Variants in BPTF observed in about 807,000 individuals in gnomAD.
BPTF encodes the protein nucleosome-remodeling factor subunit BPTF.
Under a neutral mutation model 292.5 loss-of-function variants are expected in BPTF, and 18 were observed. That is an observed-to-expected ratio of 0.06 (90% CI 0.04 to 0.09). BPTF has a LOEUF of 0.09. BPTF is among the 10% of genes least tolerant of loss of function. The pLI is 1.00. For synonymous variants in BPTF, 1,225 were observed against 1,251.9 expected, an observed-to-expected ratio of 0.98 and a Z score of 0.45; for missense variants, 2,726 against 3,498.7, an observed-to-expected ratio of 0.78 and a Z score of 5.57.
At chr17:67,957,939 T>C (rs1555681769) in intron 23 of BPTF, among the ~76,000 whole-genome samples, 1 of 152,232 alleles carries the variant, frequency 6.6e-6, no homozygotes, top group Non-Finnish European at 1.5e-5. Context: ...GGTTTGTTCC[T>C]AGGGTAATAA....
In BPTF at chr17:67,912,888, G is replaced by A. The variant is rs188067928; in HGVS notation, c.5004G>A (p.Thr1668=). 2.8e-5 allele frequency: 45 copies of A among 1,614,082 alleles called. 1 individual carries two copies. In the East Asian group the frequency reaches 6.2e-4, roughly 22 times the overall value. Residue 1668 remains threonine (T), a synonymous_variant, in exon 11 of 28, where the codon ACG becomes ACA. Coordinates refer to ENST00000306378, the MANE Select transcript of BPTF (RefSeq NM_182641.4). ...CAGTGACAGACTCCCTGACCACCAC[G>A]GGAGGCACACTGGTTACATCTATGA... is the stretch of plus-strand genomic sequence containing the variant. The part of the protein sequence containing the change: ...TTTVTDSLTT[T]GGTLVTSMTV...
At chr17:67,868,880 T>C (rs917061769) in intron 3 of BPTF, among the ~76,000 whole-genome samples, 4 of 152,210 alleles carry the variant, frequency 2.6e-5, no homozygotes, top group Non-Finnish European at 5.9e-5. Context: ...ATATACTTTG[T>C]CTTCAGAAAA....
At chr17:67,888,030 GT>G (rs765974479) in intron 4 of BPTF, among the ~76,000 whole-genome samples, 205 of 152,332 alleles carry the variant, frequency 1.3e-3, no homozygotes, top group South Asian at 2.7e-3. Context: ...TCCAGCAAAA[GT>G]TGGGTAGGAA....
In BPTF at chr17:67,946,109, C is replaced by G. The variant is rs782422956; in HGVS notation, c.7401C>G (p.Ile2467Met). Residue 2467 changes from isoleucine (I) to methionine (M), a missense_variant, in exon 21 of 28, where the codon ATC (isoleucine) becomes ATG (methionine). By Grantham distance (10) the Ile-to-Met change is conservative. This residue lies in a region of BPTF where 570 missense variants were observed against 633.5 expected (regional missense o/e 0.90). Coordinates refer to ENST00000306378, the MANE Select transcript of BPTF (RefSeq NM_182641.4). ...QAQQSGVPQQ[I>M]KLQLPIQIQQ... ...AGCAAAGTGGTGTGCCCCAGCAAAT[C>G]AAACTCCAGTTACCTATCCAAATTC... is the stretch of plus-strand genomic sequence containing the variant. 3.7e-6 allele frequency: 6 copies of G among 1,614,016 alleles called. No homozygotes were observed. The highest frequency in any genetic ancestry group is 3.3e-5 in the Admixed American group (2 of 60,002).
Position 67,838,476 on chromosome 17 carries a change from T to C in BPTF, c.613+12139T>C, listed in dbSNP as rs117743191. Among the ~76,000 whole-genome samples, 353 of 152,304 alleles carry C rather than the reference T, an allele frequency of 2.3e-3. 2 individuals are homozygous for C. In the South Asian group the frequency reaches 0.024, roughly 10 times the overall value. ...AACCATCTTTGTGTAAACATGTGTA[T>C]GTACATACTTTTTTTTTTGAGCTGG... is the stretch of plus-strand genomic sequence containing the variant. On this transcript the variant is annotated intron_variant, in intron 1 of 27. Coordinates refer to ENST00000306378, the MANE Select transcript of BPTF (RefSeq NM_182641.4).
chr17:67,944,086 T>C (rs1365734091), intron 19 of BPTF, 64 bp from the exon 20 acceptor site: 3 of 1,192,248 alleles, frequency 2.5e-6, no homozygotes, highest in Non-Finnish European at 3.7e-6. Flanking sequence ...AATGATTTAA[T>C]AAAAATGATA....
rs1179554063 is a variant in BPTF at position 67,893,529 on chromosome 17, C to G, written c.2215C>G (p.His739Asp). The change falls in exon 6 of 28, where the codon CAC becomes GAC. Residue 739 changes from histidine to aspartate, a missense_variant. Physicochemically the swap from His to Asp is moderately conservative, Grantham distance 81. Coordinates refer to ENST00000306378, the MANE Select transcript of BPTF (RefSeq NM_182641.4). ...YSTNSFALNK[H>D]QHREDHDKRR... ...CACCAATTCATTTGCTTTGAATAAG[C>G]ACCAGCACAGAGAAGACCATGATAA... is the stretch of plus-strand genomic sequence containing the variant. 6.2e-7 allele frequency: 1 copy of G among 1,614,108 alleles called. No individual in the cohort carries two copies. Among genetic ancestry groups the G allele is most frequent in the Non-Finnish European group, 8.5e-7 (1 of 1,179,974 alleles).
chr17:67,982,187 A>G (rs782590739), intron 27 of BPTF, 65 bp from the exon 28 acceptor site: 87 of 1,450,930 alleles, frequency 6.0e-5, no homozygotes, highest in Non-Finnish European at 7.8e-5. Context: ...TGGCATCCGC[A>G]TAAAGCATCA....
intron 9 of BPTF, 51 bp downstream of exon 9, chr17:67,904,891 CT>C (rs2062070958): frequency 5.0e-6 from 7 of 1,397,882 alleles, no homozygotes; most frequent in Non-Finnish European, 6.8e-6. Flanking sequence ...CTTTATATTT[CT>C]TATAAATTTG....
intron 9 of BPTF, among the ~76,000 whole-genome samples, chr17:67,905,086 C>T (rs771240127): frequency 3.9e-5 from 6 of 152,058 alleles, no homozygotes; most frequent in African/African-American, 9.7e-5. Flanking sequence ...ACGCCTCAGC[C>T]GCCTGATTAT....
chr17:67,857,010 A>G (rs2058728533), intron 2 of BPTF, among the ~76,000 whole-genome samples: 1 of 152,034 alleles, frequency 6.6e-6, no homozygotes, highest in African/African-American at 2.4e-5. Flanking sequence ...TGTGTTCTCA[A>G]CTTCACCTTC....
intron 7 of BPTF, among the ~76,000 whole-genome samples, chr17:67,895,210 G>T (rs2061358371): frequency 6.6e-6 from 1 of 151,806 alleles, no homozygotes; most frequent in South Asian, 2.1e-4. Context: ...GCACATGCCT[G>T]TAGTCCCAGG....
Position 67,912,145 on chromosome 17 carries a change from G to A in BPTF, c.4261G>A (p.Glu1421Lys). ...TAAACCCAAAATATATTTGAAAGGT[G>A]AATGCTTGAAAGAAATTTCTGAGAG... ...DNKPKIYLKGECLKEISESRV... is the reference protein window; with the variant it reads ...DNKPKIYLKGKCLKEISESRV... The change falls in exon 11 of 28, where the codon GAA (glutamate) becomes AAA (lysine). Residue 1421 changes from glutamate to lysine, a missense_variant. Transcript: ENST00000306378. 2 of 1,612,084 alleles carry A rather than the reference G, an allele frequency of 1.2e-6. No homozygotes were observed. Among genetic ancestry groups the A allele is most frequent in the Non-Finnish European group, 1.7e-6 (2 of 1,179,186 alleles).
chr17:67,949,823 C>T (rs926432529), intron 23 of BPTF, among the ~76,000 whole-genome samples: 3 of 151,342 alleles, frequency 2.0e-5, no homozygotes, highest in Middle Eastern at 3.4e-3. Flanking sequence ...TTTGGGTGGC[C>T]GAGGCAGGTG....
At chr17:67,953,444 G>C in intron 23 of BPTF, among the ~76,000 whole-genome samples, 1 of 150,684 alleles carries the variant, frequency 6.6e-6, no homozygotes, top group East Asian at 1.9e-4. Context: ...TTTTTGAAGA[G>C]ATAGGGTTTT....
chr17:67,868,740 A>T (rs1010941390), intron 3 of BPTF, among the ~76,000 whole-genome samples: 1 of 152,196 alleles, frequency 6.6e-6, no homozygotes, highest in Admixed American at 6.5e-5. Context: ...TAGAATGTTT[A>T]TATTTAATAA....
At chr17:67,968,412 C>A (rs1555688738) in intron 26 of BPTF, among the ~76,000 whole-genome samples, 1 of 151,336 alleles carries the variant, frequency 6.6e-6, no homozygotes, top group Admixed American at 6.6e-5. Flanking sequence ...GAGAAAGTAC[C>A]TGGGATGTTT....
chr17:67,880,331 T>C (rs1040018187), intron 4 of BPTF, among the ~76,000 whole-genome samples: 2 of 152,154 alleles, frequency 1.3e-5, no homozygotes, highest in Non-Finnish European at 2.9e-5. Flanking sequence ...TTTGTACTTT[T>C]ATGGATTTTC....
chr17:67,855,883 C>T (rs1043173035), intron 2 of BPTF, among the ~76,000 whole-genome samples: 3 of 152,226 alleles, frequency 2.0e-5, no homozygotes, highest in Non-Finnish European at 4.4e-5. Flanking sequence ...TCTGAATCCA[C>T]ACCGATTCTT....
Sources: allele counts gnomAD v4.1 joint callset (sites outside exome capture counted in the v4.1 genomes callset), GRCh38; gene constraint gnomAD v4.1.1; regional missense constraint gnomAD v4.1.1; transcripts MANE v1.5; gene names NCBI Gene and HGNC (gene_info 2026-07-23, HGNC 2026-07-21).